The following NPAS3 variants were observed in gnomAD, a reference collection of about 807,000 sequenced individuals.
The protein encoded by NPAS3 is neuronal PAS domain-containing protein 3.
NPAS3 carries 14 observed loss-of-function variants against 73.1 expected under a neutral mutation model. The ratio of observed to expected loss-of-function variants is 0.19; its 90% CI spans 0.13 to 0.30. NPAS3 has a LOEUF of 0.30. NPAS3 is among the 10% of genes least tolerant of loss of function. The pLI is 1.00. For missense variants in NPAS3, 1,096 were observed against 1,250.0 expected (o/e 0.88, Z 1.86); for synonymous variants, 620 against 541.5 (o/e 1.14, Z -2.01).
intron 6 of NPAS3, among the ~76,000 whole-genome samples, chr14:33,720,532 C>T (rs184900641): frequency 6.6e-6 from 1 of 152,304 alleles, no homozygotes; most frequent in African/African-American, 2.4e-5. Context: ...AAGTAAATTA[C>T]AGCTGCCTTT....
At chr14:33,112,353 A>G (rs1181108454) in intron 2 of NPAS3, among the ~76,000 whole-genome samples, 1 of 152,106 alleles carries the variant, frequency 6.6e-6, no homozygotes, top group Non-Finnish European at 1.5e-5. Flanking sequence ...CTTTTTAATG[A>G]TCACCATTCT....
chr14:32,961,450 G>A (rs1027279490), intron 1 of NPAS3, among the ~76,000 whole-genome samples: 9 of 151,106 alleles, frequency 6.0e-5, no homozygotes, highest in Non-Finnish European at 1.2e-4. Context: ...AATTCATATC[G>A]GATTGTAGTA....
At chr14:33,608,543 G>A (rs1008956537) in intron 5 of NPAS3, 4 of 152,208 alleles carry the variant, frequency 2.6e-5, no homozygotes, top group Non-Finnish European at 5.9e-5. Context: ...AGGCTTAAGA[G>A]TGAGAGCTAT....
intron 4 of NPAS3, among the ~76,000 whole-genome samples, chr14:33,527,642 G>A (rs549217474): frequency 6.6e-6 from 1 of 152,092 alleles, no homozygotes; most frequent in Non-Finnish European, 1.5e-5. Context: ...GTGAAAATCA[G>A]GATTTATATA....
chr14:33,185,010 T>C (rs2045931877), intron 2 of NPAS3, among the ~76,000 whole-genome samples: 1 of 152,178 alleles, frequency 6.6e-6, no homozygotes, highest in African/African-American at 2.4e-5. Context: ...TTAAGAACTC[T>C]TTCAGTGAAT....
intron 8 of NPAS3, among the ~76,000 whole-genome samples, chr14:33,775,392 C>T (rs2062781364): frequency 6.6e-6 from 1 of 152,130 alleles, no homozygotes; most frequent in African/African-American, 2.4e-5. Context: ...GCGCTGTTGT[C>T]AGGCTTATTC....
Position 33,097,887 on chromosome 14 carries a change from A to G in NPAS3, c.140+41893A>G, listed in dbSNP as rs960277076. On this transcript the variant is annotated intron_variant, in intron 2 of 11. Coordinates refer to ENST00000356141, the Ensembl canonical transcript of NPAS3. ...GCTTTCTTGACTTACAGTTCTGCAAATATTTTAGATACAGATCTTTTTATA... is the reference window on the plus strand; with the variant it reads ...GCTTTCTTGACTTACAGTTCTGCAAGTATTTTAGATACAGATCTTTTTATA... Among the ~76,000 whole-genome samples the G allele has an allele frequency of 1.4e-4, 21 of 152,182 alleles. No homozygotes were observed. In the South Asian group the frequency reaches 1.7e-3, roughly 12 times the overall value.
intron 1 of NPAS3, among the ~76,000 whole-genome samples, chr14:32,947,960 G>T (rs1372716451): frequency 6.6e-6 from 1 of 152,042 alleles, no homozygotes; most frequent in Non-Finnish European, 1.5e-5. Flanking sequence ...GCCTTTTTGG[G>T]ATGCTCACAA....
rs1199014521 is a variant in NPAS3, at chr14:33,059,353, A to T, written c.140+3359A>T. 5.2e-5 allele frequency among the ~76,000 whole-genome samples: 8 copies of T among 152,386 alleles called. No individual in the cohort carries two copies. In the East Asian group the frequency reaches 1.5e-3, roughly 29 times the overall value. ...GGAATATAAAACCTGTGATTATTTT[A>T]AAACGTCTATAATTAGTTCCAAATA... On this transcript the variant is annotated intron_variant, in intron 2 of 11. Transcript: ENST00000356141.
chr14:33,521,380 A>G (rs1460634892), intron 4 of NPAS3, among the ~76,000 whole-genome samples: 2 of 152,124 alleles, frequency 1.3e-5, no homozygotes, highest in African/African-American at 4.8e-5. Flanking sequence ...CCCATTCAGC[A>G]TGATATGGCT....
chr14:33,610,515 AC>A (rs1259472882), intron 5 of NPAS3, among the ~76,000 whole-genome samples: 56 of 152,314 alleles, frequency 3.7e-4, no homozygotes, highest in African/African-American at 1.3e-3. Flanking sequence ...TGACAAAAAA[AC>A]AAAATCTCTT....
At chr14:33,790,727 G>C (rs1014405935) in intron 9 of NPAS3, among the ~76,000 whole-genome samples, 14 of 152,244 alleles carry the variant, frequency 9.2e-5, no homozygotes, top group Admixed American at 9.1e-4. Context: ...GGAGTTCAGT[G>C]GTGCAATCTC....
intron 4 of NPAS3, among the ~76,000 whole-genome samples, chr14:33,463,300 G>GAA (rs1566925608): frequency 6.6e-6 from 1 of 152,114 alleles, no homozygotes; most frequent in African/African-American, 2.4e-5. Context: ...ACTTCTTTGG[G>GAA]AAAAGAGATT....
At chr14:33,405,474 A>G (rs867622122) in intron 4 of NPAS3, among the ~76,000 whole-genome samples, 7 of 152,124 alleles carry the variant, frequency 4.6e-5, no homozygotes, top group African/African-American at 1.2e-4. Context: ...GCAAATGAAC[A>G]TGAATGAAGC....
chr14:33,557,232 C>T (rs565895863), intron 4 of NPAS3, among the ~76,000 whole-genome samples: 1 of 152,270 alleles, frequency 6.6e-6, no homozygotes, highest in Non-Finnish European at 1.5e-5. Flanking sequence ...GAGGGTTTGG[C>T]AGTTTTGTCA....
intron 3 of NPAS3, among the ~76,000 whole-genome samples, chr14:33,289,998 T>C (rs1239603434): frequency 6.6e-6 from 1 of 152,148 alleles, no homozygotes; most frequent in Non-Finnish European, 1.5e-5. Context: ...GACCATCTTT[T>C]TAGGGAGGTG....
intron 2 of NPAS3, among the ~76,000 whole-genome samples, chr14:33,096,270 A>T (rs2042417062): frequency 6.6e-6 from 1 of 152,052 alleles, no homozygotes. Flanking sequence ...TTGCTAATTG[A>T]ACTGTGTAAA....
intron 2 of NPAS3, among the ~76,000 whole-genome samples, chr14:33,199,107 C>T (rs2046507220): frequency 6.6e-6 from 1 of 152,184 alleles, no homozygotes; most frequent in African/African-American, 2.4e-5. Flanking sequence ...GCCCTGGTTC[C>T]TGCCCGTGCC....
intron 4 of NPAS3, among the ~76,000 whole-genome samples, chr14:33,458,987 C>T (rs2050138237): frequency 6.6e-6 from 1 of 152,188 alleles, no homozygotes; most frequent in Non-Finnish European, 1.5e-5. Context: ...GCCCCAAAGG[C>T]TGCTGGTTGC....
Sources: allele counts gnomAD v4.1 joint callset (sites outside exome capture counted in the v4.1 genomes callset), GRCh38; gene constraint gnomAD v4.1.1; transcripts MANE v1.5; gene names NCBI Gene and HGNC (gene_info 2026-07-23, HGNC 2026-07-21).